Variants in SYMPK observed in about 807,000 individuals in gnomAD.
The protein encoded by SYMPK is symplekin scaffold protein.
Under a neutral mutation model 136.4 loss-of-function variants are expected in SYMPK, and 49 were observed. The ratio of observed to expected loss-of-function variants is 0.36; its 90% confidence interval spans 0.29 to 0.46. The LOEUF (loss-of-function observed/expected upper bound fraction) is 0.46, where lower values mean the gene tolerates loss of function less well. Ranked by LOEUF, SYMPK falls within the 20% of genes least tolerant of loss-of-function variation. The probability of loss-of-function intolerance (pLI) is 1.00; values close to 1 mark genes in which losing one functional copy is unlikely to be tolerated. For missense variants in SYMPK, 1,365 were observed against 1,690.0 expected (o/e 0.81, Z 3.37); for synonymous variants, 766 against 713.0 (o/e 1.07, Z -1.19).
chr19:45,842,533 T>C lies in SYMPK; in HGVS notation c.848-44A>G, dbSNP rs752058223. On this transcript the variant is annotated intron_variant, in intron 8 of 26. Transcript: ENST00000245934. Reference sequence around the variant, plus strand: ...GAGCTGTGTCTTGTGGAAGATCTCATGGCATGCTGCCAGTCTTAATTCTCA... The same window carrying C: ...GAGCTGTGTCTTGTGGAAGATCTCACGGCATGCTGCCAGTCTTAATTCTCA... 2.0e-5 allele frequency: 32 copies of C among 1,594,462 alleles called. No individual in the cohort carries two copies. The East Asian group carries it at 4.5e-4, about 22-fold the overall frequency.
At chr19:45,848,050 A>G (rs376261751) in intron 6 of SYMPK, 49 bp from the exon 7 acceptor site, 2 of 1,532,880 alleles carry the variant, frequency 1.3e-6, no homozygotes, top group Non-Finnish European at 1.8e-6. Flanking sequence ...AGAGGTGAAG[A>G]CAACGCATCA....
intron 1 of SYMPK, among the ~76,000 whole-genome samples, chr19:45,857,918 T>C (rs560922542): frequency 2.0e-5 from 3 of 151,246 alleles, no homozygotes; most frequent in African/African-American, 4.9e-5. Context: ...TCCTGCCTCA[T>C]CTCCCAAGTA....
At chr19:45,827,997 T>C in intron 14 of SYMPK, 79 bp from the exon 15 acceptor site, 1 of 1,357,504 alleles carries the variant, frequency 7.4e-7, no homozygotes, top group Non-Finnish European at 1.1e-6. Context: ...TTGTAGGAGC[T>C]CAGGGCCAGC....
chr19:45,815,766 C>T, intron 26 of SYMPK, 69 bp from the exon 27 acceptor site: 4 of 1,591,018 alleles, frequency 2.5e-6, no homozygotes, highest in Non-Finnish European at 3.4e-6. Flanking sequence ...CCTTCAGGCC[C>T]TGCCCCCTGA....
At chr19:45,858,757 C>T (rs1291871094) in intron 1 of SYMPK, among the ~76,000 whole-genome samples, 3 of 152,096 alleles carry the variant, frequency 2.0e-5, no homozygotes, top group Non-Finnish European at 2.9e-5. Context: ...TCAGGTGATT[C>T]GCCCGCCTTG....
At chr19:45,835,306 G>A in intron 10 of SYMPK, 78 bp from the exon 11 acceptor site, 2 of 1,429,250 alleles carry the variant, frequency 1.4e-6, no homozygotes, top group Non-Finnish European at 1.9e-6. Flanking sequence ...TGCCAATACT[G>A]GGGAAATGGC....
At position 45,847,788 on chromosome 19, in the gene SYMPK, C is replaced by T; in HGVS notation, c.640G>A (p.Asp214Asn). 1.9e-6 allele frequency: 3 copies of T among 1,613,986 alleles called. No individual in the cohort carries two copies. The highest frequency in any genetic ancestry group is 8.5e-7 in the Non-Finnish European group (1 of 1,180,012). Residue 214 changes from aspartate to asparagine, a missense_variant, in exon 7 of 27, where the codon GAC becomes AAC. Physicochemically the swap from Asp to Asn is conservative, Grantham distance 23. Around this residue, in one of 11 missense-constraint regions of SYMPK, gnomAD observed 237 missense variants for 292.9 expected, o/e 0.81. Coordinates refer to ENST00000245934, the MANE Select transcript of SYMPK (RefSeq NM_004819.3). ...TAGGGGTGGTCACGAGGGATGCGGT[C>T]CAGGCTGATATCATGCTCCTGGCGT... ...PRRQEHDISL[D>N]RIPRDHPYIQ...
rs1180808048 is a variant in SYMPK at position 45,857,413 on chromosome 19, A to AC, written c.-12-2907_-12-2906insG. Among the ~76,000 whole-genome samples the AC allele has an allele frequency of 9.3e-3, 1,386 of 148,574 alleles. 22 individuals carry two copies. Among genetic ancestry groups the AC allele is most frequent in the Non-Finnish European group, 0.015 (1,002 of 67,098 alleles). ...CGACAGAGTGAGACTCTGTCTCAAA[A>AC]AAAAAAAAAAAAAAAAAAAAACACA... On this transcript the variant is annotated intron_variant, in intron 1 of 26. Coordinates refer to ENST00000245934, the MANE Select transcript of SYMPK (RefSeq NM_004819.3).
Position 45,823,795 on chromosome 19 carries a change from C to T in SYMPK, c.2571G>A (p.Thr857=), listed in dbSNP as rs7251942. The T allele has an allele frequency of 0.094, 152,492 of 1,613,698 alleles. 10,104 individuals carry two copies. The highest frequency in any genetic ancestry group is 0.39 in the East Asian group (17,264 of 44,838). The change falls in exon 19 of 27, where the codon ACG becomes ACA. Residue 857 remains threonine (T), a synonymous_variant. Coordinates refer to ENST00000245934, the MANE Select transcript of SYMPK (RefSeq NM_004819.3). The part of the protein sequence containing the change: ...NCPKGAETLV[T]RCLHSLTDKV... Reference sequence around the variant, plus strand: ...TGTCTGTGAGGCTGTGCAGACATCTCGTGACCAGTGTCTCTGCTCCCTTGG... The same window carrying T: ...TGTCTGTGAGGCTGTGCAGACATCTTGTGACCAGTGTCTCTGCTCCCTTGG...
chr19:45,835,319 T>C, intron 10 of SYMPK, 91 bp from the exon 11 acceptor site: 1 of 1,336,004 alleles, frequency 7.5e-7, no homozygotes, highest in Non-Finnish European at 1.0e-6. Flanking sequence ...GAAATGGCAG[T>C]GCCTAAGACC....
At position 45,815,668 on chromosome 19, in the gene SYMPK, CT is replaced by C; in HGVS notation, c.3716del (p.Lys1239ArgfsTer17). The C allele has an allele frequency of 6.2e-7, 1 of 1,610,762 alleles. No homozygotes were observed. The highest frequency in any genetic ancestry group is 8.5e-7 in the Non-Finnish European group (1 of 1,179,120). On this transcript the variant is annotated frameshift_variant, in exon 27 of 27. Coordinates refer to ENST00000245934, the MANE Select transcript of SYMPK (RefSeq NM_004819.3). LOFTEE classifies it high-confidence loss of function. ...CGAGGGTCTGGGGGCTCCGCTCCTC[CT>C]TCAAGGTCAGCCCGCCCGCTGCCGT... The part of the protein sequence containing the change: ...KETAAGGLTL[K>X]EERSPQTLAP...
chr19:45,827,134 C>T (rs1971058893), intron 16 of SYMPK, among the ~76,000 whole-genome samples: 2 of 152,188 alleles, frequency 1.3e-5, no homozygotes, highest in South Asian at 2.1e-4. Flanking sequence ...GCTGAGGCCA[C>T]ACCGGCTCCC....
At position 45,825,475 on chromosome 19, in the gene SYMPK, G is replaced by A. The variant is rs551026610; in HGVS notation, c.2330-144C>T. The A allele has an allele frequency of 2.1e-4, 209 of 1,016,880 alleles. 1 individual carries two copies. The highest frequency in any genetic ancestry group is 7.2e-4 in the Admixed American group (25 of 34,522). The allele number at this position is 1,016,880 out of a possible 1,614,324, so 63.0% of individuals were successfully genotyped here. ...TGGGGAGCTAATTGTTCTAGGGCAGGGAAATGGCGGGGACCAGGACTTCCC... is the reference window on the plus strand; with the variant it reads ...TGGGGAGCTAATTGTTCTAGGGCAGAGAAATGGCGGGGACCAGGACTTCCC... On this transcript the variant is annotated intron_variant, in intron 17 of 26. Coordinates refer to ENST00000245934, the MANE Select transcript of SYMPK (RefSeq NM_004819.3).
chr19:45,832,121 G>T (rs111413906), intron 11 of SYMPK, among the ~76,000 whole-genome samples: 129 of 152,272 alleles, frequency 8.5e-4, no homozygotes, highest in African/African-American at 3.0e-3. Flanking sequence ...GGGATTACAG[G>T]TATGAGCCAC....
At chr19:45,837,609 T>C (rs1971331931) in intron 10 of SYMPK, among the ~76,000 whole-genome samples, 1 of 118,528 alleles carries the variant, frequency 8.4e-6, no homozygotes, top group Non-Finnish European at 1.7e-5. Flanking sequence ...AAAGCGAGAC[T>C]CTGCCTCAAA....
chr19:45,827,615 G>A lies in SYMPK; in HGVS notation c.2076C>T (p.Thr692=), dbSNP rs1971075566. 1 of 1,614,092 alleles carries A rather than the reference G, an allele frequency of 6.2e-7. No individual in the cohort carries two copies. Among genetic ancestry groups the A allele is most frequent in the Non-Finnish European group, 8.5e-7 (1 of 1,179,938 alleles). The change falls in exon 16 of 27, where the codon ACC becomes ACT. Residue 692 remains threonine, a synonymous_variant. Coordinates refer to ENST00000245934, the MANE Select transcript of SYMPK (RefSeq NM_004819.3). The part of the protein sequence containing the change: ...VRKYCEDESR[T]YLGMSTLRDL... ...CTCGAAGTGTGGACATGCCCAGATA[G>A]GTGCGACTCTGCAGCAAAAGGAAAG...
rs1432321572 is a variant in SYMPK, at chr19:45,823,639, G to A, written c.2599+128C>T. On this transcript the variant is annotated intron_variant, in intron 19 of 26. Transcript: ENST00000245934. The stretch of plus-strand genomic sequence containing the variant: ...CACTGTTCCAAATGGAGAAACTGAG[G>A]CCCTAGGACAGGCACAGACCCGCAA... The A allele has an allele frequency of 6.1e-6, 6 of 984,124 alleles. No homozygotes were observed. In the East Asian group the frequency reaches 1.0e-4, roughly 17 times the overall value. The allele number at this position is 984,124 out of a possible 1,614,324, so 61.0% of individuals were successfully genotyped here.
chr19:45,851,535 G>A (rs7252363), intron 5 of SYMPK, among the ~76,000 whole-genome samples: 47,886 of 150,254 alleles, frequency 0.32, 7,765 homozygotes, highest in Non-Finnish European at 0.35. Context: ...CCAAGATTGC[G>A]CCACTGTACT....
Position 45,828,961 on chromosome 19 carries a change from C to A in SYMPK, c.1985+9G>T. On this transcript the variant is annotated intron_variant, in intron 14 of 26. Coordinates refer to ENST00000245934, the MANE Select transcript of SYMPK (RefSeq NM_004819.3). ...CGGGGACAGGAGGGTGCAGGGTCAGCCCCCTCACCCATCCTTCTGGTCTGG... is the reference window on the plus strand; with the variant it reads ...CGGGGACAGGAGGGTGCAGGGTCAGACCCCTCACCCATCCTTCTGGTCTGG... 1 of 1,611,798 alleles carries A rather than the reference C, an allele frequency of 6.2e-7. No homozygotes were observed. Among genetic ancestry groups the A allele is most frequent in the Non-Finnish European group, 8.5e-7 (1 of 1,178,024 alleles).
Sources: allele counts gnomAD v4.1 joint callset (sites outside exome capture counted in the v4.1 genomes callset), GRCh38; gene constraint gnomAD v4.1.1; regional missense constraint gnomAD v4.1.1; transcripts MANE v1.5; gene names NCBI Gene and HGNC (gene_info 2026-07-23, HGNC 2026-07-21).